GRM7: variants seen among roughly 807,000 people sequenced by gnomAD.
The protein encoded by GRM7 is glutamate metabotropic receptor 7.
In GRM7, 35 loss-of-function variants were observed where a neutral mutation model predicts 84.5. That is an observed-to-expected ratio of 0.41 (90% CI 0.32 to 0.55). The LOEUF is 0.55. GRM7 is among the 20% of genes least tolerant of loss of function. The pLI is 0.19. For missense variants in GRM7, 1,003 were observed against 1,194.6 expected (o/e 0.84, Z 2.36); for synonymous variants, 487 against 455.1 (o/e 1.07, Z -0.89).
At chr3:6,969,761 G>C (rs1010441035) in intron 1 of GRM7, among the ~76,000 whole-genome samples, 1 of 152,172 alleles carries the variant, frequency 6.6e-6, no homozygotes, top group East Asian at 1.9e-4. Flanking sequence ...CTAAGGCCCA[G>C]CCCTTTAAAG....
At chr3:6,886,780 T>C (rs967680281) in intron 1 of GRM7, among the ~76,000 whole-genome samples, 1 of 151,406 alleles carries the variant, frequency 6.6e-6, no homozygotes, top group Non-Finnish European at 1.5e-5. Flanking sequence ...GTAACAATAA[T>C]AATAATAATA....
intron 8 of GRM7, among the ~76,000 whole-genome samples, chr3:7,580,318 G>A (rs1695187813): frequency 6.6e-6 from 1 of 152,210 alleles, no homozygotes; most frequent in African/African-American, 2.4e-5. Flanking sequence ...GACATACTCT[G>A]CAAAGAGGGC....
intron 4 of GRM7, among the ~76,000 whole-genome samples, chr3:7,331,751 CTT>C (rs1559242316): frequency 2.6e-5 from 4 of 152,128 alleles, no homozygotes; most frequent in South Asian, 2.1e-4. Context: ...AAAGCAGTCT[CTT>C]TTCTGCGGAG....
chr3:7,610,369 AG>A (rs1696794724), intron 8 of GRM7, among the ~76,000 whole-genome samples: 1 of 152,208 alleles, frequency 6.6e-6, no homozygotes, highest in African/African-American at 2.4e-5. Context: ...CATTGCCAGC[AG>A]CCCTGCTGTC....
At position 7,569,582 on chromosome 3, in the gene GRM7, G is replaced by A. The variant is rs572668479; in HGVS notation, c.1516-8840G>A. On this transcript the variant is annotated intron_variant, in intron 7 of 9. Coordinates refer to ENST00000357716, the MANE Select transcript of GRM7 (RefSeq NM_000844.4). ...GCAACCTGCTGAGGTCCCCTTCCAC[G>A]CCGTGGAAGCTTTGTTCTTTCGCTC... 7.9e-5 allele frequency among the ~76,000 whole-genome samples: 12 copies of A among 152,138 alleles called. No homozygotes were observed. In the East Asian group the frequency reaches 1.2e-3, roughly 15 times the overall value.
intron 7 of GRM7, among the ~76,000 whole-genome samples, chr3:7,475,824 T>C (rs993347991): frequency 1.3e-5 from 2 of 152,210 alleles, no homozygotes. Flanking sequence ...AAGATTTAGG[T>C]ACCCTGTTGA....
chr3:6,992,690 G>T (rs943319214), intron 1 of GRM7, among the ~76,000 whole-genome samples: 4 of 152,102 alleles, frequency 2.6e-5, no homozygotes, highest in Admixed American at 6.5e-5. Context: ...GAAAAGTGCT[G>T]CCCCACAGGA....
chr3:7,441,857 A>T (rs1697303048), intron 5 of GRM7, among the ~76,000 whole-genome samples: 2 of 152,108 alleles, frequency 1.3e-5, no homozygotes, highest in Admixed American at 1.3e-4. Context: ...TTGTGTCAGT[A>T]CCATGCTGTT....
chr3:7,380,430 T>G (rs9857909), intron 4 of GRM7, among the ~76,000 whole-genome samples: 27,318 of 152,156 alleles, frequency 0.18, 3,335 homozygotes, highest in East Asian at 0.54. Context: ...ACCACAATAT[T>G]TCAACTAGAG....
chr3:7,024,370 G>A (rs940843223), intron 1 of GRM7, among the ~76,000 whole-genome samples: 2 of 152,192 alleles, frequency 1.3e-5, no homozygotes, highest in Non-Finnish European at 1.5e-5. Context: ...CACACCAAAT[G>A]CAATTGCTGC....
chr3:7,680,359 G>A lies in GRM7; in HGVS notation c.2698+64G>A, dbSNP rs112334997. ...ATCAGGAAGCTCTAGAAGATGTGGGGTGTGCTTGCCTCTCTGGAGAAATAC... is the reference window on the plus strand; with the variant it reads ...ATCAGGAAGCTCTAGAAGATGTGGGATGTGCTTGCCTCTCTGGAGAAATAC... On this transcript the variant is annotated intron_variant, in intron 9 of 9. Transcript: ENST00000357716. 53 of 1,547,752 alleles carry A rather than the reference G, an allele frequency of 3.4e-5. 1 individual carries two copies. In the African/African-American group the frequency reaches 6.1e-4, roughly 18 times the overall value.
intron 2 of GRM7, among the ~76,000 whole-genome samples, chr3:7,219,136 G>A (rs1390706934): frequency 6.6e-6 from 1 of 152,154 alleles, no homozygotes; most frequent in Admixed American, 6.6e-5. Flanking sequence ...GTTGCATACA[G>A]TGTGAGGAGA....
At chr3:7,640,692 T>G (rs952343030) in intron 8 of GRM7, among the ~76,000 whole-genome samples, 8 of 152,202 alleles carry the variant, frequency 5.3e-5, no homozygotes, top group African/African-American at 1.9e-4. Flanking sequence ...GTACTTTACT[T>G]TAAGCTTGTA....
intron 7 of GRM7, among the ~76,000 whole-genome samples, chr3:7,540,049 GATC>G (rs1329620321): frequency 2.0e-5 from 3 of 152,068 alleles, no homozygotes; most frequent in Non-Finnish European, 2.9e-5. Context: ...ATAAAAATAA[GATC>G]ATGTTTTTAA....
chr3:7,122,294 T>C (rs1693253034), intron 1 of GRM7, among the ~76,000 whole-genome samples: 1 of 152,160 alleles, frequency 6.6e-6, no homozygotes, highest in Admixed American at 6.5e-5. Context: ...CCCAAACCTA[T>C]ATTTATTTGT....
chr3:7,090,109 C>A (rs1432832744), intron 1 of GRM7, among the ~76,000 whole-genome samples: 3 of 152,066 alleles, frequency 2.0e-5, no homozygotes, highest in Non-Finnish European at 4.4e-5. Flanking sequence ...TCCTACAGTA[C>A]TGGGATTACA....
rs1334889463 is a variant in GRM7 at position 7,188,587 on chromosome 3, A to G, written c.736+41919A>G. Among the ~76,000 whole-genome samples the G allele has an allele frequency of 4.6e-5, 7 of 152,226 alleles. No homozygotes were observed. The highest frequency in any genetic ancestry group is 1.7e-4 in the African/African-American group (7 of 41,462). On this transcript the variant is annotated intron_variant, in intron 2 of 9. Transcript: ENST00000357716. This position sits in a 1 kb window ranked among gnomAD's most constrained non-coding sequence, Gnocchi z 4.2. ...TCCCTGCAGGTGAAAGATGTAAGGA[A>G]TAATGAGAAAAGATATTGGAATAAA...
chr3:7,299,579 T>C (rs1272476138), intron 3 of GRM7, among the ~76,000 whole-genome samples: 1 of 152,222 alleles, frequency 6.6e-6, no homozygotes. Context: ...GTACAATAAC[T>C]AATTAAAAGT....
At chr3:7,435,524 T>G (rs2124858589) in intron 5 of GRM7, among the ~76,000 whole-genome samples, 1 of 152,124 alleles carries the variant, frequency 6.6e-6, no homozygotes, top group Admixed American at 6.6e-5. Context: ...TTTTGTTTTG[T>G]TTTTAGAGAT....
Sources: allele counts gnomAD v4.1 joint callset (sites outside exome capture counted in the v4.1 genomes callset), GRCh38; gene constraint gnomAD v4.1.1; non-coding constraint Gnocchi (gnomAD v3.1); transcripts MANE v1.5; gene names NCBI Gene and HGNC (gene_info 2026-07-23, HGNC 2026-07-21).